The following ZC3H12B variants were observed in gnomAD, a reference collection of about 807,000 sequenced individuals.
ZC3H12B encodes the protein probable ribonuclease ZC3H12B.
A neutral mutation model predicts 43.9 loss-of-function variants in ZC3H12B; 7 were observed. The observed-to-expected ratio is 0.16, with a 90% CI of 0.09 to 0.30. ZC3H12B has a LOEUF of 0.30. Among genes scored for constraint, ZC3H12B ranks in the 10% least tolerant of loss-of-function variants. The probability of loss-of-function intolerance (pLI) is 1.00; values close to 1 mark genes in which losing one functional copy is unlikely to be tolerated. For missense variants in ZC3H12B, 475 were observed against 670.2 expected, an observed-to-expected ratio of 0.71 and a Z score of 3.22; for synonymous variants, 222 against 241.7, an observed-to-expected ratio of 0.92 and a Z score of 0.76.
chrX:65,112,486 A>G, the ZC3H12B span, among the ~76,000 whole-genome samples: 1 of 111,990 alleles, frequency 8.9e-6, no homozygotes, highest in Non-Finnish European at 1.9e-5. Flanking sequence ...AGGAGAAGTC[A>G]ATGTCTGGCT....
chrX:65,421,817 C>T (rs899582917), intron 3 of ZC3H12B, among the ~76,000 whole-genome samples: 3 of 110,651 alleles, frequency 2.7e-5, no homozygotes, highest in Non-Finnish European at 3.8e-5. Flanking sequence ...GGCGTGGTGG[C>T]GGGCATCTGT....
At chrX:65,129,622 G>T in the ZC3H12B span, among the ~76,000 whole-genome samples, 1 of 111,278 alleles carries the variant, frequency 9.0e-6, no homozygotes, top group Non-Finnish European at 1.9e-5. Context: ...CTTGCTTCAG[G>T]CCATCTGGAT....
the ZC3H12B span, among the ~76,000 whole-genome samples, chrX:65,189,602 GA>G: frequency 1.9e-5 from 2 of 103,994 alleles, no homozygotes; most frequent in Admixed American, 1.0e-4. Context: ...CTTCTTTTGA[GA>G]AGTGTCTGTT....
the ZC3H12B span, among the ~76,000 whole-genome samples, chrX:65,188,946 CT>C: frequency 2.9e-5 from 2 of 69,701 alleles, no homozygotes; most frequent in Non-Finnish European, 5.2e-5. Context: ...TCCCTCCCCC[CT>C]CCCCCCACCC....
At chrX:65,240,157 C>A in the ZC3H12B span, among the ~76,000 whole-genome samples, 6 of 111,790 alleles carry the variant, frequency 5.4e-5, no homozygotes, top group Admixed American at 4.8e-4. Flanking sequence ...GGATGATATC[C>A]TGTAGTATGA....
chrX:65,264,935 C>T, the ZC3H12B span, among the ~76,000 whole-genome samples: 1 of 111,140 alleles, frequency 9.0e-6, no homozygotes, highest in African/African-American at 3.3e-5. Context: ...AGCATCAGAC[C>T]ATTTAGTGTA....
chrX:65,498,061 C>T (rs771938317), intron 2 of ZC3H12B, among the ~76,000 whole-genome samples: 6 of 110,507 alleles, frequency 5.4e-5, no homozygotes, highest in African/African-American at 1.6e-4. Flanking sequence ...TGTACCACTG[C>T]GCCTAGCTAA....
At chrX:65,328,032 T>G in the ZC3H12B span, 1 of 266,807 alleles carries the variant, frequency 3.7e-6, no homozygotes, top group Non-Finnish European at 7.5e-6. Context: ...ACTTGATAAT[T>G]GCTGGTACTA....
the ZC3H12B span, among the ~76,000 whole-genome samples, chrX:65,188,882 G>C: frequency 2.8e-5 from 3 of 105,719 alleles, no homozygotes; most frequent in Non-Finnish European, 5.8e-5. Context: ...TGCCATGCTG[G>C]TGCACTGCAC....
chrX:65,463,751 A>T (rs908334451), intron 3 of ZC3H12B, among the ~76,000 whole-genome samples: 2 of 111,119 alleles, frequency 1.8e-5, no homozygotes, highest in Admixed American at 1.9e-4. Flanking sequence ...CATTCAAAAT[A>T]TGCTGGTTTC....
intron 3 of ZC3H12B, among the ~76,000 whole-genome samples, chrX:65,438,489 G>T (rs993144157): frequency 8.9e-6 from 1 of 112,119 alleles, no homozygotes; most frequent in Admixed American, 9.5e-5. Flanking sequence ...CCCTAACCCA[G>T]AGGTGCTAGA....
the ZC3H12B span, among the ~76,000 whole-genome samples, chrX:65,054,973 A>T: frequency 8.9e-6 from 1 of 111,823 alleles, no homozygotes; most frequent in African/African-American, 3.3e-5. Flanking sequence ...TATCAGCTTA[A>T]GGAGATTTTG....
chrX:65,328,257 G>C, the ZC3H12B span: 1 of 254,162 alleles, frequency 3.9e-6, no homozygotes, highest in East Asian at 9.8e-5. Context: ...AAATTTGTAG[G>C]GTAGGTGGGT....
the ZC3H12B span, among the ~76,000 whole-genome samples, chrX:65,126,873 A>G: frequency 1.9e-5 from 2 of 108,058 alleles, no homozygotes; most frequent in African/African-American, 6.8e-5. Flanking sequence ...TTTATTTATG[A>G]TATCTATTTC....
chrX:65,148,467 G>C, the ZC3H12B span, among the ~76,000 whole-genome samples: 2 of 111,604 alleles, frequency 1.8e-5, 1 homozygote, highest in African/African-American at 6.5e-5. Context: ...CTGAGTCTTT[G>C]GAGGCAAGCC....
the ZC3H12B span, among the ~76,000 whole-genome samples, chrX:65,253,162 G>A: frequency 4.5e-5 from 5 of 111,816 alleles, no homozygotes; most frequent in South Asian, 3.8e-4. Context: ...GGGAAGGCTC[G>A]TGAACTCAAA....
chrX:65,483,721 C>T (rs952550088), intron 3 of ZC3H12B, among the ~76,000 whole-genome samples: 4 of 112,138 alleles, frequency 3.6e-5, no homozygotes, highest in African/African-American at 9.7e-5. Flanking sequence ...AGTTTTATAA[C>T]TTATTTTATT....
At chrX:65,096,385 T>TA in the ZC3H12B span, among the ~76,000 whole-genome samples, 97 of 111,439 alleles carry the variant, frequency 8.7e-4, no homozygotes, top group African/African-American at 3.1e-3. Flanking sequence ...AAAAACAAAT[T>TA]AAAAAACGAT....
chrX:65,218,075 A>T, the ZC3H12B span, among the ~76,000 whole-genome samples: 4 of 112,433 alleles, frequency 3.6e-5, no homozygotes, highest in African/African-American at 1.3e-4. Flanking sequence ...AAGAAAAGCA[A>T]GTAACATATA....
Sources: allele counts gnomAD v4.1 joint callset (sites outside exome capture counted in the v4.1 genomes callset), GRCh38; gene constraint gnomAD v4.1.1; transcripts MANE v1.5; gene names NCBI Gene and HGNC (gene_info 2026-07-23, HGNC 2026-07-21).